The following PUM1 variants were observed in gnomAD, a reference collection of about 807,000 sequenced individuals.
PUM1 encodes the protein pumilio RNA binding family member 1.
Under a neutral mutation model 131.8 loss-of-function variants are expected in PUM1, and 13 were observed. That is an observed-to-expected ratio of 0.10 (90% CI 0.06 to 0.16). PUM1 has a LOEUF of 0.16. PUM1 is among the 10% of genes least tolerant of loss of function. The pLI is 1.00. For synonymous variants in PUM1, 509 were observed against 556.5 expected (o/e 0.91, Z 1.20); for missense variants, 961 against 1,512.4 (o/e 0.64, Z 6.05).
At chr1:31,004,206 T>C (rs1162528715) in intron 5 of PUM1, among the ~76,000 whole-genome samples, 4 of 152,126 alleles carry the variant, frequency 2.6e-5, no homozygotes, top group Non-Finnish European at 5.9e-5. Context: ...GAGAGAAAAA[T>C]AAGTGGCAAA....
intron 21 of PUM1, among the ~76,000 whole-genome samples, chr1:30,935,457 CCCTGCTGAGAATACGA>C (rs1639167428): frequency 6.6e-6 from 1 of 152,202 alleles, no homozygotes; most frequent in African/African-American, 2.4e-5. Context: ...ACCAATACAA[CCCTGCTGAGAATACGA>C]CCTGCTGTAC....
intron 18 of PUM1, among the ~76,000 whole-genome samples, chr1:30,942,705 C>T (rs1468561820): frequency 6.6e-6 from 1 of 152,156 alleles, no homozygotes; most frequent in Admixed American, 6.5e-5. Context: ...ATAATAAGAG[C>T]AATAATAGCA....
intron 9 of PUM1, among the ~76,000 whole-genome samples, chr1:30,976,744 T>C (rs1008141317): frequency 1.3e-5 from 2 of 152,038 alleles, no homozygotes; most frequent in African/African-American, 4.8e-5. Context: ...TGTTACACTA[T>C]GAACTATTTT....
Position 31,059,369 on chromosome 1 carries a change from T to C in PUM1, c.198A>G (p.Pro66=), listed in dbSNP as rs201342837. The change falls in exon 2 of 22, where the codon CCA becomes CCG. Residue 66 remains proline, a synonymous_variant. Coordinates refer to ENST00000426105, the MANE Select transcript of PUM1 (RefSeq NM_001020658.2). The stretch of plus-strand genomic sequence containing the variant: ...AACGGCCTGCAACTCCTATAGATCC[T>C]GGGACAGGGCTGGAGTGAGTCCCAG... The part of the protein sequence containing the change: ...LAAGTHSSPV[P]GSIGVAGRSQ... 1 of 1,614,132 alleles carries C rather than the reference T, an allele frequency of 6.2e-7. No homozygotes were observed. The highest frequency in any genetic ancestry group is 1.7e-5 in the Admixed American group (1 of 59,996).
At chr1:30,977,863 T>G (rs773080706) in intron 9 of PUM1, among the ~76,000 whole-genome samples, 1 of 152,160 alleles carries the variant, frequency 6.6e-6, no homozygotes, top group Non-Finnish European at 1.5e-5. Context: ...TTCTATATAC[T>G]ATAGTGAAGC....
intron 14 of PUM1, among the ~76,000 whole-genome samples, chr1:30,963,634 C>T (rs1640508902): frequency 6.6e-6 from 1 of 152,200 alleles, no homozygotes; most frequent in Admixed American, 6.5e-5. Flanking sequence ...CCTATCCAAA[C>T]GAAGGCATCC....
At chr1:30,978,475 GTTAACTA>G (rs1179280193) in intron 9 of PUM1, among the ~76,000 whole-genome samples, 9 of 152,212 alleles carry the variant, frequency 5.9e-5, no homozygotes, top group Admixed American at 2.6e-4. Context: ...ATGACCCTAT[GTTAACTA>G]TCTTCCCATC....
At chr1:31,003,501 A>C (rs1258370501) in intron 5 of PUM1, among the ~76,000 whole-genome samples, 1 of 152,176 alleles carries the variant, frequency 6.6e-6, no homozygotes, top group East Asian at 1.9e-4. Context: ...TCACGCTTGT[A>C]ATCCCAGCAC....
chr1:31,030,242 T>C (rs544898173), intron 2 of PUM1, among the ~76,000 whole-genome samples: 23 of 152,034 alleles, frequency 1.5e-4, no homozygotes, highest in Non-Finnish European at 1.0e-4. Flanking sequence ...GATGTAGGCT[T>C]TGCTCTTCTG....
intron 5 of PUM1, among the ~76,000 whole-genome samples, chr1:30,996,055 C>T (rs1418178656): frequency 6.6e-6 from 1 of 152,170 alleles, no homozygotes; most frequent in Non-Finnish European, 1.5e-5. Flanking sequence ...AAGTTAAGCC[C>T]TGGACATATA....
At chr1:30,933,439 T>TACACACACACATAC (rs1639045761) in intron 21 of PUM1, 97 bp from the exon 22 acceptor site, 1 of 342,698 alleles carries the variant, frequency 2.9e-6, no homozygotes, top group Admixed American at 4.4e-5. Context: ...CACACACACA[T>TACACACACACATAC]ACACACACAC....
At chr1:31,022,921 C>T (rs1171652487) in intron 3 of PUM1, among the ~76,000 whole-genome samples, 1 of 152,090 alleles carries the variant, frequency 6.6e-6, no homozygotes, top group African/African-American at 2.4e-5. Context: ...GCAATCCCAG[C>T]GCTTTGGGAG....
In PUM1 at chr1:31,002,173, G is replaced by A. The variant is rs111263569; in HGVS notation, c.720+3680C>T. On this transcript the variant is annotated intron_variant, in intron 5 of 21. Transcript: ENST00000426105. ...CCCTGATTTCTATCTGCATTACATT[G>A]TACAGAAGTTTTCAAACAAAACCTA... 3.3e-3 allele frequency among the ~76,000 whole-genome samples: 508 copies of A among 152,246 alleles called. 6 individuals are homozygous for A. Among genetic ancestry groups the A allele is most frequent in the African/African-American group, 0.012 (478 of 41,532 alleles).
rs958220320 is a variant in PUM1, at chr1:30,953,683, G to A, written c.2591+31C>T. The A allele has an allele frequency of 1.1e-5, 18 of 1,609,714 alleles. No homozygotes were observed. In the Admixed American group the frequency reaches 2.8e-4, roughly 25 times the overall value. On this transcript the variant is annotated intron_variant, in intron 15 of 21. Coordinates refer to ENST00000426105, the MANE Select transcript of PUM1 (RefSeq NM_001020658.2). ...GACAGTTAAGGCATTACAATTTCGG[G>A]TACCTTAAAGTGCCAAAGCCAAGTA...
chr1:31,055,459 G>T lies in PUM1; in HGVS notation c.363+3745C>A, dbSNP rs1644215172. On this transcript the variant is annotated intron_variant, in intron 2 of 21. Transcript: ENST00000426105. The stretch of plus-strand genomic sequence containing the variant: ...GAAGGTGAGAACAACACTAAAACCA[G>T]TACAATACACTATAATGACTACAGA... The T allele has an allele frequency of 1.1e-5, 5 of 454,450 alleles. No homozygotes were observed. The Admixed American group carries it at 1.2e-4, about 11-fold the overall frequency. The allele number at this position is 454,450 out of a possible 1,614,324, so 28.2% of individuals were successfully genotyped here.
intron 3 of PUM1, among the ~76,000 whole-genome samples, chr1:31,021,088 A>C (rs1643003483): frequency 6.6e-6 from 1 of 152,254 alleles, no homozygotes; most frequent in Admixed American, 6.5e-5. Context: ...ATCGATCTGT[A>C]ACAACGTAAC....
chr1:30,947,871 A>T (rs965478761), intron 17 of PUM1, among the ~76,000 whole-genome samples: 12 of 141,208 alleles, frequency 8.5e-5, no homozygotes, highest in African/African-American at 2.1e-4. Flanking sequence ...AAGGGAATAA[A>T]TTTTTTTTTT....
In PUM1 at chr1:30,933,215, A is replaced by T; in HGVS notation, c.3563T>A (p.Ile1188Asn). 6.2e-7 allele frequency: 1 copy of T among 1,611,466 alleles called. No homozygotes were observed. The highest frequency in any genetic ancestry group is 8.5e-7 in the Non-Finnish European group (1 of 1,178,792). ...GGAACAGCGGGTGACACTGCCTCAG[A>T]TGATACCATTAGGGGGGCCACAGAT... ...GPICGPPNGI[I>N] The change falls in exon 22 of 22, where the codon ATC becomes AAC. Residue 1188 changes from isoleucine (I) to asparagine (N), a missense_variant. By Grantham distance (149) the Ile-to-Asn change is moderately radical (BLOSUM62 -3). Around this residue, in one of 4 missense-constraint regions of PUM1, gnomAD observed 178 missense variants for 327.5 expected, o/e 0.54. Coordinates refer to ENST00000426105, the MANE Select transcript of PUM1 (RefSeq NM_001020658.2).
Position 30,942,043 on chromosome 1 carries a change from G to A in PUM1, c.3075C>T (p.Leu1025=). The part of the protein sequence containing the change: ...ILEHCLPDQT[L]PILEELHQHT... ...GCTGGTGAAGCTCCTCTAAAATAGGGAGTGTCTGGTCAGGGAGACAGTGCT... is the reference window on the plus strand; with the variant it reads ...GCTGGTGAAGCTCCTCTAAAATAGGAAGTGTCTGGTCAGGGAGACAGTGCT... Residue 1025 remains leucine (L), a synonymous_variant, in exon 19 of 22, where the codon CTC becomes CTT. Coordinates refer to ENST00000426105, the MANE Select transcript of PUM1 (RefSeq NM_001020658.2). The A allele has an allele frequency of 6.2e-7, 1 of 1,601,220 alleles. No individual in the cohort carries two copies. The highest frequency in any genetic ancestry group is 8.5e-7 in the Non-Finnish European group (1 of 1,172,318).
Sources: gnomAD v4.1 joint callset for allele counts (sites outside exome capture counted in the v4.1 genomes callset) on GRCh38, gnomAD v4.1.1 for gene constraint, gnomAD v4.1.1 regional missense constraint, MANE v1.5 for transcripts, NCBI Gene and HGNC (gene_info 2026-07-23, HGNC 2026-07-21) for gene names.